The following TBCD variants were observed in gnomAD, a reference collection of about 807,000 sequenced individuals.
The protein encoded by TBCD is tubulin folding cofactor D.
In TBCD, 105 loss-of-function variants were observed where a neutral mutation model predicts 169.3. That is an observed-to-expected ratio of 0.62 (90% CI 0.53 to 0.73). TBCD has a LOEUF of 0.73. Among genes scored for constraint, TBCD ranks in the 30% least tolerant of loss-of-function variants. The pLI is 0.00. For synonymous variants in TBCD, 700 were observed against 643.9 expected (o/e 1.09, Z -1.32); for missense variants, 1,444 against 1,600.1 (o/e 0.90, Z 1.66).
Position 82,930,196 on chromosome 17 carries a change from G to A in TBCD, c.2992-326G>A, listed in dbSNP as rs1476700639. The A allele has an allele frequency of 5.6e-6, 2 of 357,604 alleles. No homozygotes were observed. Among genetic ancestry groups the A allele is most frequent in the Non-Finnish European group, 1.0e-5 (2 of 192,994 alleles). The allele number at this position is 357,604 out of a possible 1,614,324, so 22.2% of individuals were successfully genotyped here. ...GAGACATTCTGCACTCGGGAATTGC[G>A]GGGATTATCAAATCCCGCTTCAGTG... On this transcript the variant is annotated intron_variant, in intron 32 of 38. Transcript: ENST00000355528. This position sits in a 1 kb window ranked among gnomAD's most constrained non-coding sequence, Gnocchi z 5.2.
At chr17:82,811,899 A>G (rs1381528054) in intron 12 of TBCD, among the ~76,000 whole-genome samples, 1 of 152,180 alleles carries the variant, frequency 6.6e-6, no homozygotes, top group Non-Finnish European at 1.5e-5. Flanking sequence ...ATTAACTGTA[A>G]GAACACCCAG....
intron 13 of TBCD, among the ~76,000 whole-genome samples, chr17:82,818,772 A>G (rs2052150708): frequency 6.6e-6 from 1 of 152,204 alleles, no homozygotes; most frequent in African/African-American, 2.4e-5. Flanking sequence ...GTTTGGTTTG[A>G]AAAGTGAAAA....
intron 6 of TBCD, among the ~76,000 whole-genome samples, chr17:82,775,733 G>A: frequency 8.1e-6 from 1 of 123,166 alleles, no homozygotes; most frequent in African/African-American, 3.2e-5. Flanking sequence ...ACACTCTGGG[G>A]ACTGTTGTGG....
Position 82,889,177 on chromosome 17 carries a change from A to T in TBCD, c.1534-491A>T, listed in dbSNP as rs1446202477. On this transcript the variant is annotated intron_variant, in intron 15 of 38. Transcript: ENST00000355528. This position sits in a 1 kb window ranked among gnomAD's most constrained non-coding sequence, Gnocchi z 5.3. ...TTGAAGTTCACATTTTGACCTTTTC[A>T]GCAGCCCTTGCTCTGGGCCTGTGCC... 6.6e-6 allele frequency among the ~76,000 whole-genome samples: 1 copy of T among 152,172 alleles called. No homozygotes were observed. The highest frequency in any genetic ancestry group is 1.5e-5 in the Non-Finnish European group (1 of 68,020).
At chr17:82,802,754 G>A (rs982364288) in intron 9 of TBCD, among the ~76,000 whole-genome samples, 2 of 143,918 alleles carry the variant, frequency 1.4e-5, no homozygotes, top group Non-Finnish European at 3.0e-5. Context: ...TCCTCTGCCT[G>A]ACTTTGTCTA....
At position 82,890,065 on chromosome 17, in the gene TBCD, G is replaced by A. The variant is rs1028185434; in HGVS notation, c.1563+368G>A. 5.3e-5 allele frequency among the ~76,000 whole-genome samples: 8 copies of A among 152,216 alleles called. No individual in the cohort carries two copies. The highest frequency in any genetic ancestry group is 7.3e-5 in the Non-Finnish European group (5 of 68,040). On this transcript the variant is annotated intron_variant, in intron 16 of 38. Coordinates refer to ENST00000355528, the MANE Select transcript of TBCD (RefSeq NM_005993.5). This position sits in a 1 kb window ranked among gnomAD's most constrained non-coding sequence, Gnocchi z 5.3. ...GAGCTGGCTCTGTTGACGTCAGCTT[G>A]TGCCTCATCCAGACCATAGACGGGC...
At chr17:82,902,980 G>A (rs1188208106) in intron 18 of TBCD, among the ~76,000 whole-genome samples, 2 of 152,196 alleles carry the variant, frequency 1.3e-5, no homozygotes, top group Non-Finnish European at 2.9e-5. Context: ...TTCAGTGTGT[G>A]TCTGATGAGG....
rs760545140 is a variant in TBCD, at chr17:82,929,172, G to A, written c.2753G>A (p.Arg918His). The A allele has an allele frequency of 1.2e-6, 2 of 1,613,584 alleles. No homozygotes were observed. The highest frequency in any genetic ancestry group is 1.7e-6 in the Non-Finnish European group (2 of 1,179,872). Reference protein sequence around the residue: ...QQASEKIDRFRAHAASVFLTL... With the variant: ...QQASEKIDRFHAHAASVFLTL... ...GCCAGTGAGAAGATTGACCGTTTCC[G>A]TGCTCACGCCGCCAGCGTGTTCCTG... The change falls in exon 31 of 39, where the codon CGT becomes CAT. Residue 918 changes from arginine to histidine, a missense_variant. Transcript: ENST00000355528.
At chr17:82,838,846 C>G (rs1416662550) in intron 13 of TBCD, 3 of 985,424 alleles carry the variant, frequency 3.0e-6, no homozygotes, top group East Asian at 1.1e-4. Flanking sequence ...CGTAAACAAA[C>G]GCTCACCACT....
intron 13 of TBCD, among the ~76,000 whole-genome samples, chr17:82,862,627 G>A: frequency 6.6e-6 from 1 of 152,208 alleles, no homozygotes. Context: ...TGAATGGGTA[G>A]GTTATTTTTC....
chr17:82,788,062 C>T (rs1009507814), intron 7 of TBCD, among the ~76,000 whole-genome samples: 13 of 152,058 alleles, frequency 8.5e-5, no homozygotes, highest in Non-Finnish European at 1.5e-4. Context: ...CATGGTGAAA[C>T]CCTGTCTCTA....
intron 2 of TBCD, among the ~76,000 whole-genome samples, chr17:82,762,105 A>G (rs533823451): frequency 1.3e-5 from 2 of 151,700 alleles, no homozygotes; most frequent in African/African-American, 4.8e-5. Context: ...TCATGAGGTC[A>G]GGAGATTGAG....
intron 14 of TBCD, among the ~76,000 whole-genome samples, chr17:82,873,388 C>T (rs768600977): frequency 1.3e-5 from 2 of 152,114 alleles, no homozygotes; most frequent in Non-Finnish European, 2.9e-5. Context: ...GCACGGAACC[C>T]AGGGTCGTGT....
At position 82,752,415 on chromosome 17, in the gene TBCD, G is replaced by A. The variant is rs146590903; in HGVS notation, c.184+38G>A. On this transcript the variant is annotated intron_variant, in intron 1 of 38. Transcript: ENST00000355528. ...CGCCGCGTGCCCGCTTCCTCCCCCGGCCCGGGTTCGGCGCGCTGAGTGCAC... is the reference window on the plus strand; with the variant it reads ...CGCCGCGTGCCCGCTTCCTCCCCCGACCCGGGTTCGGCGCGCTGAGTGCAC... 184 of 1,198,848 alleles carry A rather than the reference G, an allele frequency of 1.5e-4. 1 individual carries two copies. Among genetic ancestry groups the A allele is most frequent in the Middle Eastern group, 1.3e-3 (4 of 3,018 alleles). The allele number at this position is 1,198,848 out of a possible 1,614,324, so 74.3% of individuals were successfully genotyped here.
At chr17:82,755,530 C>A (rs2047357438) in intron 1 of TBCD, among the ~76,000 whole-genome samples, 1 of 152,156 alleles carries the variant, frequency 6.6e-6, no homozygotes. Flanking sequence ...AATTTGGTGT[C>A]TTATTGCTAC....
chr17:82,793,843 G>C (rs1568142259), intron 7 of TBCD, among the ~76,000 whole-genome samples: 1 of 152,110 alleles, frequency 6.6e-6, no homozygotes, highest in Non-Finnish European at 1.5e-5. Flanking sequence ...AGCCTGCGGG[G>C]GCACGGATGC....
intron 13 of TBCD, among the ~76,000 whole-genome samples, chr17:82,836,768 CAAA>C (rs1484499503): frequency 6.6e-6 from 1 of 152,068 alleles, no homozygotes; most frequent in Non-Finnish European, 1.5e-5. Context: ...TAGATTTTCT[CAAA>C]AGCTTTACAA....
At position 82,898,704 on chromosome 17, in the gene TBCD, G is replaced by A. The variant is rs532481558; in HGVS notation, c.1650-1947G>A. Among the ~76,000 whole-genome samples the A allele has an allele frequency of 2.0e-5, 3 of 152,280 alleles. No individual in the cohort carries two copies. In the East Asian group the frequency reaches 5.8e-4, roughly 29 times the overall value. Reference sequence around the variant, plus strand: ...TCCTGGTAGACTTTGTTCGGCATATGTGTTGGTAGGGATCGATTTCTTCTG... The same window carrying A: ...TCCTGGTAGACTTTGTTCGGCATATATGTTGGTAGGGATCGATTTCTTCTG... On this transcript the variant is annotated intron_variant, in intron 17 of 38. Coordinates refer to ENST00000355528, the MANE Select transcript of TBCD (RefSeq NM_005993.5).
intron 13 of TBCD, among the ~76,000 whole-genome samples, chr17:82,844,565 G>C (rs1317677514): frequency 6.6e-6 from 1 of 152,086 alleles, no homozygotes; most frequent in African/African-American, 2.4e-5. Flanking sequence ...CTCCAGGGGA[G>C]GGCTGGGCTT....
Sources: gnomAD v4.1 joint callset for allele counts (sites outside exome capture counted in the v4.1 genomes callset) on GRCh38, gnomAD v4.1.1 for gene constraint, Gnocchi (gnomAD v3.1) non-coding constraint, MANE v1.5 for transcripts, NCBI Gene and HGNC (gene_info 2026-07-23, HGNC 2026-07-21) for gene names.